Variants in CADPS2 observed in about 807,000 individuals in gnomAD.
CADPS2 encodes calcium dependent secretion activator 2.
CADPS2 carries 93 observed loss-of-function variants against 172.5 expected under a neutral mutation model. That is an observed-to-expected ratio of 0.54 (90% CI 0.46 to 0.64). The LOEUF (loss-of-function observed/expected upper bound fraction) is 0.64. Ranked by LOEUF, CADPS2 falls within the 30% of genes least tolerant of loss-of-function variation. The pLI, the probability that CADPS2 is intolerant of heterozygous loss-of-function variation, is 0.00. For missense variants in CADPS2, 1,420 were observed against 1,565.9 expected (o/e 0.91, Z 1.57); for synonymous variants, 546 against 555.2 (o/e 0.98, Z 0.23).
chr7:122,452,901 GTA>G (rs577268655), intron 14 of CADPS2, among the ~76,000 whole-genome samples: 106 of 152,186 alleles, frequency 7.0e-4, no homozygotes, highest in African/African-American at 2.3e-3. Context: ...ATGTGTGTGT[GTA>G]TATATGTTTG....
At chr7:122,504,966 G>A (rs2059501770) in intron 9 of CADPS2, among the ~76,000 whole-genome samples, 1 of 152,164 alleles carries the variant, frequency 6.6e-6, no homozygotes, top group African/African-American at 2.4e-5. Context: ...AGAAAGTGAG[G>A]AAAAGTGCTA....
chr7:122,570,194 C>CA (rs1239941708), intron 7 of CADPS2, among the ~76,000 whole-genome samples: 1 of 151,366 alleles, frequency 6.6e-6, no homozygotes, highest in African/African-American at 2.4e-5. Context: ...AAGAAAAAAA[C>CA]AAACAAGCCC....
chr7:122,459,179 T>C (rs1430925159), intron 14 of CADPS2, among the ~76,000 whole-genome samples: 1 of 151,880 alleles, frequency 6.6e-6, no homozygotes, highest in South Asian at 2.1e-4. Context: ...TGTAAGCTTT[T>C]AAAATATAAT....
rs570353839 is a variant in CADPS2, at chr7:122,323,361, A to T, written c.3717+2116T>A. On this transcript the variant is annotated intron_variant, in intron 29 of 29. Transcript: ENST00000449022. ...TGGTCAAATATTGATCATTAGGAAG[A>T]ATATATTAAAGAAGATATACTGACT... 1.9e-3 allele frequency among the ~76,000 whole-genome samples: 292 copies of T among 152,228 alleles called. 1 individual carries two copies. The highest frequency in any genetic ancestry group is 0.01 in the Middle Eastern group (3 of 294).
At chr7:122,456,685 T>C (rs993963108) in intron 14 of CADPS2, among the ~76,000 whole-genome samples, 2 of 152,212 alleles carry the variant, frequency 1.3e-5, no homozygotes, top group Non-Finnish European at 2.9e-5. Flanking sequence ...CACTGAGGCC[T>C]GATCTTAACG....
chr7:122,814,058 G>T (rs1379380226), intron 1 of CADPS2, among the ~76,000 whole-genome samples: 1 of 151,940 alleles, frequency 6.6e-6, no homozygotes, highest in Non-Finnish European at 1.5e-5. Context: ...AGTAAACTGA[G>T]TCTGAGAAAA....
In CADPS2 at chr7:122,702,269, A is replaced by G. The variant is rs1241843637; in HGVS notation, c.453+34686T>C. ...TTTCTGAATCGAGTGCAAAATTTCC[A>G]TGCCTTTCAGGTTGCTTATCATCAC... On this transcript the variant is annotated intron_variant, in intron 2 of 29. Coordinates refer to ENST00000449022, the MANE Select transcript of CADPS2 (RefSeq NM_017954.11). 3.1e-6 allele frequency: 5 copies of G among 1,613,740 alleles called. No homozygotes were observed. In the South Asian group the frequency reaches 5.5e-5, roughly 18 times the overall value.
chr7:122,381,437 C>A (rs955529626), intron 24 of CADPS2, among the ~76,000 whole-genome samples: 7 of 152,096 alleles, frequency 4.6e-5, no homozygotes, highest in African/African-American at 1.7e-4. Context: ...CCTAAACATG[C>A]CTTATCCCCA....
chr7:122,690,046 G>A (rs936916810), intron 2 of CADPS2, among the ~76,000 whole-genome samples: 16 of 152,184 alleles, frequency 1.1e-4, no homozygotes, highest in Non-Finnish European at 1.6e-4. Context: ...CAAGCCATCC[G>A]CAGCTGCTGC....
chr7:122,736,905 C>G (rs371274680), intron 2 of CADPS2, 50 bp downstream of exon 2: 4 of 940,212 alleles, frequency 4.3e-6, no homozygotes, highest in Middle Eastern at 2.2e-4. Flanking sequence ...AATAATAAAA[C>G]TCCTTTTAAA....
chr7:122,630,153 A>C (rs570351323), intron 3 of CADPS2, among the ~76,000 whole-genome samples: 9 of 152,306 alleles, frequency 5.9e-5, no homozygotes, highest in African/African-American at 2.2e-4. Flanking sequence ...ATCACGAAGA[A>C]GCCTGGACTG....
intron 1 of CADPS2, among the ~76,000 whole-genome samples, chr7:122,787,372 T>C (rs1180453909): frequency 6.6e-6 from 1 of 152,220 alleles, no homozygotes; most frequent in Non-Finnish European, 1.5e-5. Context: ...GTCTACCAGC[T>C]AGTTACTTGT....
intron 2 of CADPS2, among the ~76,000 whole-genome samples, chr7:122,714,051 A>G (rs1235386395): frequency 1.3e-5 from 2 of 152,120 alleles, no homozygotes; most frequent in Non-Finnish European, 1.5e-5. Flanking sequence ...CATGTCACCA[A>G]TGATTCAAAT....
At chr7:122,535,267 G>T (rs1181787402) in intron 8 of CADPS2, among the ~76,000 whole-genome samples, 1 of 152,060 alleles carries the variant, frequency 6.6e-6, no homozygotes, top group Non-Finnish European at 1.5e-5. Flanking sequence ...TCACTTATTA[G>T]CTATATGGCT....
chr7:122,875,318 A>G (rs1820922156), intron 1 of CADPS2, among the ~76,000 whole-genome samples: 1 of 152,208 alleles, frequency 6.6e-6, no homozygotes, highest in Non-Finnish European at 1.5e-5. Context: ...CAGTAAGTGG[A>G]TCAAACGAAG....
intron 25 of CADPS2, among the ~76,000 whole-genome samples, chr7:122,377,425 T>C (rs930635635): frequency 5.9e-5 from 9 of 152,152 alleles, no homozygotes; most frequent in Admixed American, 5.9e-4. Flanking sequence ...CAAAACTTGC[T>C]GGACTTTTTC....
chr7:122,555,019 C>G (rs565431405), intron 7 of CADPS2, among the ~76,000 whole-genome samples: 2 of 152,210 alleles, frequency 1.3e-5, no homozygotes, highest in East Asian at 3.9e-4. Context: ...ATTCTAAACT[C>G]CTCAGGGCAA....
chr7:122,569,183 T>C (rs1369475196), intron 7 of CADPS2, among the ~76,000 whole-genome samples: 1 of 152,092 alleles, frequency 6.6e-6, no homozygotes, highest in African/African-American at 2.4e-5. Context: ...TTCAGCAAAG[T>C]CTCAGGATAC....
intron 2 of CADPS2, among the ~76,000 whole-genome samples, chr7:122,677,946 T>C (rs2082559899): frequency 6.6e-6 from 1 of 152,354 alleles, no homozygotes; most frequent in South Asian, 2.1e-4. Flanking sequence ...ATCTTAATAC[T>C]TTCCCATGCT....
Sources: allele counts gnomAD v4.1 joint callset (sites outside exome capture counted in the v4.1 genomes callset), GRCh38; gene constraint gnomAD v4.1.1; transcripts MANE v1.5; gene names NCBI Gene and HGNC (gene_info 2026-07-23, HGNC 2026-07-21).